Variants in DIP2B observed in about 807,000 individuals in gnomAD.
DIP2B encodes the protein disco-interacting protein 2 homolog B.
Under a neutral mutation model 198.0 loss-of-function variants are expected in DIP2B, and 76 were observed. The observed-to-expected ratio is 0.38, with a 90% CI of 0.32 to 0.46. The LOEUF (loss-of-function observed/expected upper bound fraction) is 0.46, where lower values mean the gene tolerates loss of function less well. DIP2B is among the 20% of genes least tolerant of loss of function. DIP2B has a pLI of 0.99. For missense variants in DIP2B, 1,559 were observed against 1,978.4 expected, an observed-to-expected ratio of 0.79 and a Z score of 4.02; for synonymous variants, 701 against 739.1, an observed-to-expected ratio of 0.95 and a Z score of 0.84.
intron 21 of DIP2B, 90 bp downstream of exon 21, chr12:50,706,755 T>C: frequency 6.9e-7 from 1 of 1,457,564 alleles, no homozygotes; most frequent in Admixed American, 1.9e-5. Flanking sequence ...TTGTAGGTTC[T>C]CTTTCCAAGT....
intron 37 of DIP2B, among the ~76,000 whole-genome samples, chr12:50,742,891 G>A (rs972894873): frequency 3.3e-5 from 5 of 151,054 alleles, no homozygotes; most frequent in African/African-American, 1.2e-4. Context: ...GCGAAACTCT[G>A]TCTCAAAAAA....
chr12:50,627,060 A>G (rs540326655), intron 2 of DIP2B, among the ~76,000 whole-genome samples: 2 of 152,328 alleles, frequency 1.3e-5, no homozygotes, highest in South Asian at 2.1e-4. Flanking sequence ...ATGAATTGAG[A>G]GAAAAGAGGT....
At chr12:50,571,093 G>A (rs1358583649) in intron 1 of DIP2B, among the ~76,000 whole-genome samples, 1 of 151,886 alleles carries the variant, frequency 6.6e-6, no homozygotes, top group Admixed American at 6.6e-5. Flanking sequence ...AAATGCCATC[G>A]CAATGTAGTG....
chr12:50,629,971 A>AT, intron 2 of DIP2B, among the ~76,000 whole-genome samples: 1 of 140,070 alleles, frequency 7.1e-6, no homozygotes, highest in Non-Finnish European at 1.5e-5. Flanking sequence ...TTTTTTAATG[A>AT]GACAGTCCTT....
At chr12:50,524,408 C>T (rs1958145081) in intron 1 of DIP2B, among the ~76,000 whole-genome samples, 1 of 152,166 alleles carries the variant, frequency 6.6e-6, no homozygotes, top group Non-Finnish European at 1.5e-5. Context: ...TTTCCATGGC[C>T]TGCAAGACCT....
intron 34 of DIP2B, among the ~76,000 whole-genome samples, chr12:50,735,446 GT>G (rs910953740): frequency 7.3e-6 from 1 of 137,718 alleles, no homozygotes; most frequent in Non-Finnish European, 1.6e-5. Flanking sequence ...TTTTTTCATG[GT>G]TTTTTTTGTT....
intron 1 of DIP2B, among the ~76,000 whole-genome samples, chr12:50,569,231 C>A (rs1331320036): frequency 6.6e-6 from 1 of 151,976 alleles, no homozygotes; most frequent in African/African-American, 2.4e-5. Flanking sequence ...AAGCAGAGAA[C>A]TATCTGGTCC....
At chr12:50,570,162 C>T (rs540093205) in intron 1 of DIP2B, among the ~76,000 whole-genome samples, 6 of 152,208 alleles carry the variant, frequency 3.9e-5, no homozygotes, top group East Asian at 3.9e-4. Context: ...AGAAGTTCTC[C>T]GATTTTTCCT....
rs200971095 is a variant in DIP2B at position 50,652,651 on chromosome 12, G to GA, written c.302-7535dup. Among the ~76,000 whole-genome samples, 362 of 151,722 alleles carry GA rather than the reference G, an allele frequency of 2.4e-3. 2 individuals are homozygous for GA. Among genetic ancestry groups the GA allele is most frequent in the Non-Finnish European group, 3.1e-3 (209 of 67,888 alleles). Reference sequence around the variant, plus strand: ...TTTAGAATTGTTTTTTCTATCTCTGGAAAAAAAATGCCATTGGGATTTTGA... The same window carrying GA: ...TTTAGAATTGTTTTTTCTATCTCTGGAAAAAAAAATGCCATTGGGATTTTGA... On this transcript the variant is annotated intron_variant, in intron 3 of 37. Coordinates refer to ENST00000301180, the MANE Select transcript of DIP2B (RefSeq NM_173602.3).
intron 1 of DIP2B, among the ~76,000 whole-genome samples, chr12:50,527,462 G>A (rs1593581222): frequency 6.6e-6 from 1 of 152,310 alleles, no homozygotes; most frequent in South Asian, 2.1e-4. Context: ...CTTCAGGTTT[G>A]TCTTTATGGC....
rs533788930 is a variant in DIP2B, at chr12:50,592,982, G to A, written c.101-32994G>A. On this transcript the variant is annotated intron_variant, in intron 1 of 37. Coordinates refer to ENST00000301180, the MANE Select transcript of DIP2B (RefSeq NM_173602.3). ...TCACTGGAGAATTTAAATATGACAAGTTGTCAGTGTTAGTCCTTGCCATTA... is the reference window on the plus strand; with the variant it reads ...TCACTGGAGAATTTAAATATGACAAATTGTCAGTGTTAGTCCTTGCCATTA... Among the ~76,000 whole-genome samples the A allele has an allele frequency of 2.7e-5, 4 of 150,538 alleles. No individual in the cohort carries two copies. The East Asian group carries it at 7.7e-4, about 29-fold the overall frequency.
Position 50,521,104 on chromosome 12 carries a change from T to G in DIP2B, c.100+15864T>G, listed in dbSNP as rs935481673. ...TTATATTCAGCAACAGTTTTTTTTT[T>G]TTTTTTTTTTTTTTTAATTTGAGAT... On this transcript the variant is annotated intron_variant, in intron 1 of 37. Coordinates refer to ENST00000301180, the MANE Select transcript of DIP2B (RefSeq NM_173602.3). Among the ~76,000 whole-genome samples, 45 of 148,992 alleles carry G rather than the reference T, an allele frequency of 3.0e-4. 2 individuals are homozygous for G. In the East Asian group the frequency reaches 8.4e-3, roughly 28 times the overall value.
At chr12:50,625,037 A>G (rs973176675) in intron 1 of DIP2B, among the ~76,000 whole-genome samples, 6 of 152,218 alleles carry the variant, frequency 3.9e-5, no homozygotes, top group African/African-American at 1.4e-4. Flanking sequence ...TTAATACTAC[A>G]ATTTGACTTT....
chr12:50,536,088 C>T (rs1958263324), intron 1 of DIP2B, among the ~76,000 whole-genome samples: 1 of 151,552 alleles, frequency 6.6e-6, no homozygotes, highest in African/African-American at 2.4e-5. Flanking sequence ...TTTCTTAATC[C>T]AGTCTATCAT....
At chr12:50,664,836 G>GT (rs1159665939) in intron 4 of DIP2B, among the ~76,000 whole-genome samples, 23 of 15,974 alleles carry the variant, frequency 1.4e-3, no homozygotes, top group African/African-American at 3.2e-3. Flanking sequence ...TTTGGTTTTT[G>GT]TTTTTTTTTT....
chr12:50,647,437 G>A (rs1485087793), intron 3 of DIP2B, among the ~76,000 whole-genome samples: 1 of 152,128 alleles, frequency 6.6e-6, no homozygotes. Flanking sequence ...AATTTATCAA[G>A]GCAAGGGAAT....
In DIP2B at chr12:50,698,475, G is replaced by T. The variant is rs774627900; in HGVS notation, c.2188+8G>T. On this transcript the variant is annotated splice_region_variant and intron_variant, in intron 18 of 37. Coordinates refer to ENST00000301180, the MANE Select transcript of DIP2B (RefSeq NM_173602.3). ...GGCATGTAATGCCTGGTGGTGAGTC[G>T]CAAGGAGCATCATTTGGTTTTTCAT... The T allele has an allele frequency of 6.2e-6, 10 of 1,604,938 alleles. No homozygotes were observed. The highest frequency in any genetic ancestry group is 3.4e-5 in the Admixed American group (2 of 58,072).
intron 22 of DIP2B, among the ~76,000 whole-genome samples, chr12:50,709,179 A>G (rs942204894): frequency 6.6e-6 from 1 of 152,222 alleles, no homozygotes; most frequent in Non-Finnish European, 1.5e-5. Flanking sequence ...AACCTCACTG[A>G]GTTTATTTCC....
At chr12:50,704,962 A>T (rs1013840667) in intron 20 of DIP2B, among the ~76,000 whole-genome samples, 1 of 152,124 alleles carries the variant, frequency 6.6e-6, no homozygotes, top group African/African-American at 2.4e-5. Context: ...AACAAACAAA[A>T]AAAAAACAAA....
Sources: gnomAD v4.1 joint callset for allele counts (sites outside exome capture counted in the v4.1 genomes callset) on GRCh38, gnomAD v4.1.1 for gene constraint, MANE v1.5 for transcripts, NCBI Gene and HGNC (gene_info 2026-07-23, HGNC 2026-07-21) for gene names.